PMFBP1: variants seen among roughly 807,000 people sequenced by gnomAD.
The protein encoded by PMFBP1 is polyamine-modulated factor 1-binding protein 1.
Under a neutral mutation model 137.8 loss-of-function variants are expected in PMFBP1, and 131 were observed. The observed-to-expected ratio is 0.95, with a 90% CI of 0.82 to 1.10. The LOEUF is 1.10. Ranked by LOEUF, PMFBP1 falls within the 50% of genes least tolerant of loss-of-function variation. The pLI is 0.00. For missense variants in PMFBP1, 1,199 were observed against 1,175.4 expected (o/e 1.02, Z -0.29); for synonymous variants, 490 against 450.4 (o/e 1.09, Z -1.11).
Position 72,120,976 on chromosome 16 carries a change from G to A in PMFBP1, c.2769-887C>T, listed in dbSNP as rs1470261990. Among the ~76,000 whole-genome samples, 3 of 152,180 alleles carry A rather than the reference G, an allele frequency of 2.0e-5. No individual in the cohort carries two copies. The East Asian group carries it at 5.8e-4, about 29-fold the overall frequency. On this transcript the variant is annotated intron_variant, in intron 19 of 20. Coordinates refer to ENST00000237353, the MANE Select transcript of PMFBP1 (RefSeq NM_031293.3). ...ACACAGCAAATAATATGTATTAGTT[G>A]AGCTACTATCATCATTAAAAGTTGG...
At chr16:72,244,684 TC>T in the PMFBP1 span, among the ~76,000 whole-genome samples, 1 of 152,144 alleles carries the variant, frequency 6.6e-6, no homozygotes, top group Non-Finnish European at 1.5e-5. Context: ...GATGACCAAA[TC>T]TCCTACTGGT....
intron 2 of PMFBP1, among the ~76,000 whole-genome samples, chr16:72,167,767 A>G (rs538395078): frequency 6.6e-6 from 1 of 152,292 alleles, no homozygotes; most frequent in South Asian, 2.1e-4. Flanking sequence ...CAAATACCCT[A>G]TACTCTTGCC....
chr16:72,120,669 T>A (rs765738091), intron 19 of PMFBP1, among the ~76,000 whole-genome samples: 13 of 152,214 alleles, frequency 8.5e-5, no homozygotes, highest in Non-Finnish European at 1.9e-4. Context: ...GAAAGATAAT[T>A]TAGCGCATTC....
At chr16:72,194,630 C>T in the PMFBP1 span, among the ~76,000 whole-genome samples, 1 of 152,202 alleles carries the variant, frequency 6.6e-6, no homozygotes, top group African/African-American at 2.4e-5. Context: ...AGTGGTATCT[C>T]GTGGTCAATA....
At chr16:72,122,554 G>C (rs2042391117) in intron 19 of PMFBP1, among the ~76,000 whole-genome samples, 1 of 152,218 alleles carries the variant, frequency 6.6e-6, no homozygotes, top group Non-Finnish European at 1.5e-5. Context: ...GATGTTCCTT[G>C]TTTGTTCCTT....
intron 2 of PMFBP1, among the ~76,000 whole-genome samples, chr16:72,169,936 T>G (rs2043197680): frequency 6.6e-6 from 1 of 152,190 alleles, no homozygotes; most frequent in African/African-American, 2.4e-5. Context: ...TGGCACACCC[T>G]GTAAGTATAC....
the PMFBP1 span, among the ~76,000 whole-genome samples, chr16:72,198,558 T>C: frequency 2.0e-4 from 30 of 152,206 alleles, no homozygotes; most frequent in African/African-American, 7.0e-4. Context: ...ACGGTTTCTC[T>C]GGCTCTGTCT....
chr16:72,213,386 G>A, the PMFBP1 span, among the ~76,000 whole-genome samples: 1 of 152,292 alleles, frequency 6.6e-6, no homozygotes, highest in South Asian at 2.1e-4. Flanking sequence ...AAAGACTCTG[G>A]CTTCCATCCT....
intron 1 of PMFBP1, chr16:72,171,660 T>G (rs1229597344): frequency 6.3e-6 from 1 of 159,180 alleles, no homozygotes; most frequent in Non-Finnish European, 1.4e-5. Context: ...ACATGAACCC[T>G]GGGAGGCAGG....
intron 3 of PMFBP1, among the ~76,000 whole-genome samples, chr16:72,159,804 T>TTC (rs2043035071): frequency 6.6e-6 from 1 of 152,016 alleles, no homozygotes; most frequent in Non-Finnish European, 1.5e-5. Context: ...TGTCTTTTTT[T>TTC]TTTTTTTAAA....
the PMFBP1 span, among the ~76,000 whole-genome samples, chr16:72,228,533 T>A: frequency 6.6e-6 from 1 of 152,152 alleles, no homozygotes; most frequent in Admixed American, 6.5e-5. Flanking sequence ...TCCATCACTG[T>A]GGGGAACACA....
the PMFBP1 span, among the ~76,000 whole-genome samples, chr16:72,237,496 T>C: frequency 3.3e-5 from 5 of 152,200 alleles, no homozygotes; most frequent in Non-Finnish European, 7.3e-5. Flanking sequence ...CTTAACAAGA[T>C]GAAGTGTTCT....
the PMFBP1 span, among the ~76,000 whole-genome samples, chr16:72,233,380 G>T: frequency 6.6e-6 from 1 of 152,150 alleles, no homozygotes; most frequent in Non-Finnish European, 1.5e-5. Context: ...TAAATCTTCA[G>T]AAGAGATGGT....
chr16:72,179,706 C>T (rs2043270004), upstream of PMFBP1, among the ~76,000 whole-genome samples: 1 of 152,116 alleles, frequency 6.6e-6, no homozygotes, highest in Non-Finnish European at 1.5e-5. Flanking sequence ...GTGTACACTG[C>T]AGAATGGAGA....
At chr16:72,221,085 C>G in the PMFBP1 span, among the ~76,000 whole-genome samples, 332 of 152,068 alleles carry the variant, frequency 2.2e-3, 1 homozygote, top group African/African-American at 4.6e-3. Flanking sequence ...ACACCAAAAG[C>G]CCATAAAGTC....
chr16:72,227,623 T>C, the PMFBP1 span, among the ~76,000 whole-genome samples: 1 of 152,234 alleles, frequency 6.6e-6, no homozygotes, highest in Non-Finnish European at 1.5e-5. Context: ...TATAACATTC[T>C]TCCATGTGGA....
chr16:72,136,128 C>T (rs2042627411), intron 9 of PMFBP1, among the ~76,000 whole-genome samples: 1 of 151,952 alleles, frequency 6.6e-6, no homozygotes, highest in African/African-American at 2.4e-5. Flanking sequence ...ATATCATTTC[C>T]TTCCACTATC....
At position 72,129,239 on chromosome 16, in the gene PMFBP1, A is replaced by G. The variant is rs746552260; in HGVS notation, c.1783-6T>C. On this transcript the variant is annotated splice_polypyrimidine_tract_variant and splice_region_variant and intron_variant, in intron 12 of 20. Transcript: ENST00000237353. ...ATGGAGCCTTGCTCCCTGTGCTGAA[A>G]AAATAAAGACTGAGCTGAAAGACTG... 3.7e-6 allele frequency: 6 copies of G among 1,608,826 alleles called. No homozygotes were observed. The African/African-American group carries it at 8.0e-5, about 22-fold the overall frequency.
At chr16:72,194,335 G>C in the PMFBP1 span, among the ~76,000 whole-genome samples, 1 of 152,100 alleles carries the variant, frequency 6.6e-6, no homozygotes, top group East Asian at 1.9e-4. Flanking sequence ...AGAAAGAGTT[G>C]CACATTCTTT....
Sources: allele counts gnomAD v4.1 joint callset (sites outside exome capture counted in the v4.1 genomes callset), GRCh38; gene constraint gnomAD v4.1.1; transcripts MANE v1.5; gene names NCBI Gene and HGNC (gene_info 2026-07-23, HGNC 2026-07-21).